ITPR1: variants seen among roughly 807,000 people sequenced by gnomAD.
The protein encoded by ITPR1 is inositol 1,4,5-trisphosphate receptor type 1.
In ITPR1, 96 loss-of-function variants were observed where a neutral mutation model predicts 318.4. The observed-to-expected ratio is 0.30, with a 90% CI of 0.26 to 0.36. The LOEUF (loss-of-function observed/expected upper bound fraction) is 0.36, where lower values mean the gene tolerates loss of function less well. Among genes scored for constraint, ITPR1 ranks in the 10% least tolerant of loss-of-function variants. ITPR1 has a pLI of 1.00. For synonymous variants in ITPR1, 1,312 were observed against 1,289.9 expected (o/e 1.02, Z -0.37); for missense variants, 2,440 against 3,460.2 (o/e 0.71, Z 7.40).
At chr3:4,678,167 G>A (rs997036263) in intron 24 of ITPR1, among the ~76,000 whole-genome samples, 13 of 152,092 alleles carry the variant, frequency 8.5e-5, no homozygotes, top group African/African-American at 3.1e-4. Context: ...TTAATGGGTT[G>A]TCTCAAAGTC....
At chr3:4,771,717 G>T (rs1032153092) in intron 46 of ITPR1, among the ~76,000 whole-genome samples, 1 of 151,840 alleles carries the variant, frequency 6.6e-6, no homozygotes, top group Non-Finnish European at 1.5e-5. Flanking sequence ...GTGTTGGGGT[G>T]TATAGTATAT....
At chr3:4,496,498 G>C (rs2080582515) in intron 2 of ITPR1, among the ~76,000 whole-genome samples, 1 of 152,322 alleles carries the variant, frequency 6.6e-6, no homozygotes, top group African/African-American at 2.4e-5. Flanking sequence ...ATTTGGGGTT[G>C]ACAATGGTAT....
At chr3:4,618,988 A>G (rs935000611) in intron 4 of ITPR1, among the ~76,000 whole-genome samples, 7 of 152,218 alleles carry the variant, frequency 4.6e-5, no homozygotes, top group Admixed American at 2.0e-4. Flanking sequence ...TCCTGATTTT[A>G]GACTTGACTT....
chr3:4,614,268 A>C (rs967933181), intron 4 of ITPR1, among the ~76,000 whole-genome samples: 1 of 152,210 alleles, frequency 6.6e-6, no homozygotes, highest in Non-Finnish European at 1.5e-5. Context: ...CTTATCTTAA[A>C]AAACAAAAAC....
intron 59 of ITPR1, 60 bp from the exon 60 acceptor site, chr3:4,818,022 A>ATTTTTT: frequency 7.0e-7 from 1 of 1,436,906 alleles, no homozygotes; most frequent in Admixed American, 2.3e-5. Context: ...TCTGTTATTG[A>ATTTTTT]TTTTTTTTCT....
chr3:4,648,904 G>A (rs2093528815), intron 10 of ITPR1, among the ~76,000 whole-genome samples: 1 of 152,184 alleles, frequency 6.6e-6, no homozygotes, highest in Admixed American at 6.5e-5. Flanking sequence ...GGTGAACTCA[G>A]TTTCTGAAAT....
chr3:4,529,098 C>G (rs1193983519), intron 4 of ITPR1, among the ~76,000 whole-genome samples: 1 of 152,162 alleles, frequency 6.6e-6, no homozygotes, highest in Non-Finnish European at 1.5e-5. Context: ...TCTGAAGGCT[C>G]TGGGTACCCT....
chr3:4,551,411 T>C (rs1462019036), intron 4 of ITPR1, among the ~76,000 whole-genome samples: 1 of 152,270 alleles, frequency 6.6e-6, no homozygotes, highest in African/African-American at 2.4e-5. Context: ...ATGAAAATAC[T>C]GTCTTCTGAT....
rs116872941 is a variant in ITPR1, at chr3:4,538,843, A to C, written c.163+17749A>C. Reference sequence around the variant, plus strand: ...CTGAACAATGAGAATGCGTGGACACAGAGAGGGGAGCAACACACACTGGGG... The same window carrying C: ...CTGAACAATGAGAATGCGTGGACACCGAGAGGGGAGCAACACACACTGGGG... On this transcript the variant is annotated intron_variant, in intron 4 of 61. Transcript: ENST00000649015. 1.2e-3 allele frequency among the ~76,000 whole-genome samples: 188 copies of C among 152,294 alleles called. 3 individuals carry two copies. The East Asian group carries it at 0.034, about 28-fold the overall frequency.
chr3:4,730,237 A>ATG (rs2042813447), intron 42 of ITPR1, among the ~76,000 whole-genome samples: 1 of 150,410 alleles, frequency 6.6e-6, no homozygotes, highest in African/African-American at 2.4e-5. Context: ...AAAACAAAAA[A>ATG]AAACCTTGCT....
At chr3:4,728,548 A>T (rs1353346175) in intron 42 of ITPR1, among the ~76,000 whole-genome samples, 1 of 152,228 alleles carries the variant, frequency 6.6e-6, no homozygotes, top group Non-Finnish European at 1.5e-5. Context: ...ATCATGGAGA[A>T]TGGGGTATCC....
chr3:4,683,733 A>G lies in ITPR1; in HGVS notation c.3433A>G (p.Lys1145Glu), dbSNP rs2094340588. The change falls in exon 28 of 62, where the codon AAA becomes GAA. Residue 1145 changes from lysine to glutamate, a missense_variant. Transcript: ENST00000649015. ...IVEKSELWVY[K>E]GQGPDETMDG... ...GGAAAAGTCAGAGCTTTGGGTGTAC[A>G]AAGGGCAGGGCCCCGATGAGACTAT... 1.2e-6 allele frequency: 2 copies of G among 1,613,964 alleles called. No homozygotes were observed. The highest frequency in any genetic ancestry group is 1.7e-6 in the Non-Finnish European group (2 of 1,179,898).
At chr3:4,788,508 C>T (rs2047346883) in intron 52 of ITPR1, among the ~76,000 whole-genome samples, 1 of 152,246 alleles carries the variant, frequency 6.6e-6, no homozygotes, top group South Asian at 2.1e-4. Flanking sequence ...ACACTGCTTG[C>T]TGGCTCATTT....
intron 33 of ITPR1, among the ~76,000 whole-genome samples, 194 bp downstream of exon 33, chr3:4,693,935 A>G (rs552337492): frequency 2.6e-5 from 4 of 152,242 alleles, no homozygotes; most frequent in Non-Finnish European, 4.4e-5. Flanking sequence ...GGAACACGGA[A>G]GAAGTTAGTC....
intron 35 of ITPR1, among the ~76,000 whole-genome samples, chr3:4,701,303 C>G (rs1401052159): frequency 6.6e-6 from 1 of 152,196 alleles, no homozygotes; most frequent in African/African-American, 2.4e-5. Context: ...GCTTCCTTCA[C>G]AGGGTGATGG....
At chr3:4,570,150 A>T (rs1167053862) in intron 4 of ITPR1, among the ~76,000 whole-genome samples, 2 of 152,206 alleles carry the variant, frequency 1.3e-5, no homozygotes, top group African/African-American at 4.8e-5. Flanking sequence ...ACTTTATCTG[A>T]GGCAAATGTG....
intron 2 of ITPR1, among the ~76,000 whole-genome samples, chr3:4,498,048 A>C (rs898951033): frequency 1.3e-5 from 2 of 152,160 alleles, no homozygotes; most frequent in African/African-American, 4.8e-5. Context: ...GATAGAAGAC[A>C]GGAAGGGGGA....
rs534257202 is a variant in ITPR1 at position 4,541,890 on chromosome 3, C to T, written c.163+20796C>T. On this transcript the variant is annotated intron_variant, in intron 4 of 61. Coordinates refer to ENST00000649015, the MANE Select transcript of ITPR1 (RefSeq NM_001378452.1). ...ACACCCACCTTGGCCTCCCAAAGCG[C>T]AAGGATTATAGGCATGAGCCACTGC... Among the ~76,000 whole-genome samples, 11 of 152,294 alleles carry T rather than the reference C, an allele frequency of 7.2e-5. 1 individual carries two copies. Among genetic ancestry groups the T allele is most frequent in the East Asian group, 1.9e-4 (1 of 5,182 alleles).
chr3:4,726,952 C>G (rs977108386), intron 41 of ITPR1, among the ~76,000 whole-genome samples, 174 bp from the exon 42 acceptor site: 2 of 152,166 alleles, frequency 1.3e-5, no homozygotes, highest in Admixed American at 1.3e-4. Context: ...TAAGCAGCAT[C>G]TAAAGTAATC....
Sources: allele counts gnomAD v4.1 joint callset (sites outside exome capture counted in the v4.1 genomes callset), GRCh38; gene constraint gnomAD v4.1.1; transcripts MANE v1.5; gene names NCBI Gene and HGNC (gene_info 2026-07-23, HGNC 2026-07-21).